Variants in CCNY observed in about 807,000 individuals in gnomAD.
CCNY encodes the protein cyclin Y, also known as cyclin-Y.
In CCNY, 19 loss-of-function variants were observed where a neutral mutation model predicts 42.8. That is an observed-to-expected ratio of 0.44 (90% CI 0.31 to 0.65). The LOEUF is 0.65. Among genes scored for constraint, CCNY ranks in the 30% least tolerant of loss-of-function variants. The pLI is 0.07. For missense variants in CCNY, 370 were observed against 437.3 expected (o/e 0.85, Z 1.37); for synonymous variants, 165 against 162.7 (o/e 1.01, Z -0.11).
chr10:35,434,025 A>C (rs1433804032), intron 1 of CCNY: 5 of 152,182 alleles, frequency 3.3e-5, no homozygotes, highest in Non-Finnish European at 4.4e-5. Flanking sequence ...ATATTTACAC[A>C]CTTGTGAGTG....
chr10:35,536,284 A>G (rs1399754683), intron 7 of CCNY, among the ~76,000 whole-genome samples: 4 of 152,124 alleles, frequency 2.6e-5, no homozygotes, highest in Admixed American at 1.3e-4. Context: ...CCATGATTCT[A>G]AGGCCTCCCC....
At chr10:35,344,823 G>A (rs935114348) in intron 1 of CCNY, among the ~76,000 whole-genome samples, 35 of 152,014 alleles carry the variant, frequency 2.3e-4, no homozygotes, top group Admixed American at 2.0e-3. Flanking sequence ...AGAACATGCC[G>A]TGTTTGGTTT....
At chr10:35,397,762 CTG>C (rs1207173707) in intron 1 of CCNY, among the ~76,000 whole-genome samples, 6 of 152,206 alleles carry the variant, frequency 3.9e-5, no homozygotes, top group Non-Finnish European at 8.8e-5. Context: ...ATGGCCCCAG[CTG>C]TGTGTGGGCT....
intron 3 of CCNY, among the ~76,000 whole-genome samples, chr10:35,298,578 C>G (rs1449011382): frequency 6.6e-6 from 1 of 152,096 alleles, no homozygotes; most frequent in Non-Finnish European, 1.5e-5. Flanking sequence ...TACAGTGGCA[C>G]AATCATGGCT....
At chr10:35,473,783 G>A (rs373591927) in intron 1 of CCNY, among the ~76,000 whole-genome samples, 10 of 152,016 alleles carry the variant, frequency 6.6e-5, no homozygotes, top group East Asian at 1.9e-4. Flanking sequence ...GTGTTCCTTG[G>A]GGGGAGGAGC....
intron 1 of CCNY, among the ~76,000 whole-genome samples, chr10:35,430,746 A>T (rs1838374191): frequency 6.6e-6 from 1 of 152,228 alleles, no homozygotes. Flanking sequence ...CACTAGCATA[A>T]CTATGTAGGT....
At chr10:35,383,312 C>CTT (rs879306853) in intron 1 of CCNY, among the ~76,000 whole-genome samples, 2 of 143,614 alleles carry the variant, frequency 1.4e-5, no homozygotes, top group Non-Finnish European at 1.5e-5. Flanking sequence ...ATTTTCTTTT[C>CTT]TTTTTTTTTT....
intron 1 of CCNY, among the ~76,000 whole-genome samples, chr10:35,472,021 A>G (rs1432165326): frequency 2.6e-5 from 4 of 152,324 alleles, no homozygotes; most frequent in Non-Finnish European, 4.4e-5. Flanking sequence ...GAAATTTAAC[A>G]ATCTTTAGTG....
Position 35,483,370 on chromosome 10 carries a change from T to C in CCNY, c.155-34T>C, listed in dbSNP as rs774605328. 44 of 1,374,250 alleles carry C rather than the reference T, an allele frequency of 3.2e-5. No homozygotes were observed. The South Asian group carries it at 5.3e-4, about 16-fold the overall frequency. 85.1% of individuals were successfully genotyped at this position (1,374,250 alleles called of 1,614,324 possible). A position where few individuals can be genotyped will look rare whatever the true frequency, so the allele number is the denominator to read the frequency against. On this transcript the variant is annotated intron_variant, in intron 1 of 9. Transcript: ENST00000374704. ...TTGATTCCTCTTAGTTATCAGATGGTTTATTCATATAATTTATTTTCCTTT... is the reference window on the plus strand; with the variant it reads ...TTGATTCCTCTTAGTTATCAGATGGCTTATTCATATAATTTATTTTCCTTT...
chr10:35,337,278 C>T (rs1836063438), intron 1 of CCNY, 71 bp downstream of exon 1: 2 of 1,370,432 alleles, frequency 1.5e-6, no homozygotes, highest in African/African-American at 1.5e-5. Context: ...CGGGGCGGCC[C>T]GGCTGCTCTT....
intron 1 of CCNY, among the ~76,000 whole-genome samples, chr10:35,477,741 C>T (rs949180187): frequency 3.9e-5 from 6 of 151,990 alleles, no homozygotes; most frequent in African/African-American, 7.3e-5. Flanking sequence ...ACAGGGATGC[C>T]CTCTCTCGCC....
chr10:35,532,766 C>T (rs1184408799), intron 7 of CCNY, among the ~76,000 whole-genome samples: 1 of 152,230 alleles, frequency 6.6e-6, no homozygotes, highest in Admixed American at 6.5e-5. Context: ...CTTCCCTTCC[C>T]TCAGGAGTCA....
chr10:35,371,664 C>T (rs1001742305), intron 1 of CCNY, among the ~76,000 whole-genome samples: 1 of 152,130 alleles, frequency 6.6e-6, no homozygotes, highest in East Asian at 1.9e-4. Flanking sequence ...AGTAGAGATG[C>T]TGTAACTGTT....
chr10:35,325,479 C>CTT (rs1207832860), intron 3 of CCNY, among the ~76,000 whole-genome samples: 11 of 132,882 alleles, frequency 8.3e-5, no homozygotes, highest in Middle Eastern at 4.4e-3. Context: ...AGCACAGACC[C>CTT]TTTTTTTTTT....
chr10:35,512,436 G>A (rs1375692554), intron 3 of CCNY, among the ~76,000 whole-genome samples: 1 of 152,164 alleles, frequency 6.6e-6, no homozygotes, highest in Non-Finnish European at 1.5e-5. Context: ...GAGAAGCAGA[G>A]TCCACAAAGG....
In CCNY at chr10:35,516,566, C is replaced by T; in HGVS notation, c.308C>T (p.Thr103Ile). The T allele has an allele frequency of 6.2e-7, 1 of 1,612,904 alleles. No homozygotes were observed. The highest frequency in any genetic ancestry group is 8.5e-7 in the Non-Finnish European group (1 of 1,179,694). ...GCAAGGAAATACAGTTCCTGCTCCA[C>T]CATTTTCCTAGATGATAGCACAGTC... ...QIARKYSSCS[T>I]IFLDDSTVSQ... Residue 103 changes from threonine (T) to isoleucine (I), a missense_variant, in exon 4 of 10, where the codon ACC (threonine) becomes ATC (isoleucine). Coordinates refer to ENST00000374704, the MANE Select transcript of CCNY (RefSeq NM_145012.6).
chr10:35,557,692 G>T (rs1278409409), intron 8 of CCNY, among the ~76,000 whole-genome samples: 3 of 152,060 alleles, frequency 2.0e-5, no homozygotes, highest in African/African-American at 4.8e-5. Flanking sequence ...GGAGGCGGAG[G>T]TTGCAATGAG....
intron 3 of CCNY, among the ~76,000 whole-genome samples, chr10:35,510,686 C>T (rs997491083): frequency 4.6e-5 from 7 of 152,176 alleles, no homozygotes; most frequent in African/African-American, 1.7e-4. Context: ...TTCTTCACAG[C>T]ACCACAATGA....
Position 35,336,703 on chromosome 10 carries a change from G to T in CCNY, c.-351G>T, listed in dbSNP as rs1009431103. On this transcript the variant is annotated 5_prime_UTR_variant, in exon 1 of 10. Coordinates refer to ENST00000374704, the MANE Select transcript of CCNY (RefSeq NM_145012.6). ...AGCGGACACCAACTGGGGAAGCGCG[G>T]GGGGGAGGCGGCCTGCGCGGCGCCG... Among the ~76,000 whole-genome samples, 7 of 147,406 alleles carry T rather than the reference G, an allele frequency of 4.7e-5. No homozygotes were observed. The highest frequency in any genetic ancestry group is 9.7e-5 in the African/African-American group (4 of 41,042).
Sources: gnomAD v4.1 joint callset for allele counts (sites outside exome capture counted in the v4.1 genomes callset) on GRCh38, gnomAD v4.1.1 for gene constraint, MANE v1.5 for transcripts, NCBI Gene and HGNC (gene_info 2026-07-23, HGNC 2026-07-21) for gene names.